The following LRRTM4 variants were observed in gnomAD, a reference collection of about 807,000 sequenced individuals.
The protein encoded by LRRTM4 is leucine-rich repeat transmembrane neuronal protein 4.
Under a neutral mutation model 47.6 loss-of-function variants are expected in LRRTM4, and 25 were observed. The ratio of observed to expected loss-of-function variants is 0.53; its 90% CI spans 0.38 to 0.73. The LOEUF is 0.73. Ranked by LOEUF, LRRTM4 falls within the 30% of genes least tolerant of loss-of-function variation. The pLI, the probability that LRRTM4 is intolerant of heterozygous loss-of-function variation, is 0.00. For missense variants in LRRTM4, 638 were observed against 713.4 expected (o/e 0.89, Z 1.20); for synonymous variants, 311 against 269.5 (o/e 1.15, Z -1.51).
intron 3 of LRRTM4, among the ~76,000 whole-genome samples, chr2:76,971,483 T>G (rs1379245990): frequency 1.3e-5 from 2 of 152,018 alleles, no homozygotes; most frequent in Non-Finnish European, 2.9e-5. Flanking sequence ...TCAGGGAACC[T>G]GGGAGAGATC....
chr2:76,799,099 T>G (rs1248482694), intron 3 of LRRTM4, among the ~76,000 whole-genome samples: 5 of 147,192 alleles, frequency 3.4e-5, no homozygotes, highest in Non-Finnish European at 7.4e-5. Context: ...TAACTCATTT[T>G]ATGAGGCCAG....
chr2:76,757,605 G>A (rs933041442), intron 3 of LRRTM4, among the ~76,000 whole-genome samples: 8 of 152,066 alleles, frequency 5.3e-5, no homozygotes, highest in Non-Finnish European at 1.2e-4. Flanking sequence ...AAATTAGAAC[G>A]AGTAAAGTCT....
At chr2:77,174,013 G>A (rs551254469) in intron 3 of LRRTM4, among the ~76,000 whole-genome samples, 1 of 152,068 alleles carries the variant, frequency 6.6e-6, no homozygotes, top group Admixed American at 6.6e-5. Flanking sequence ...TTTAGCCTTG[G>A]AGTATCTTTT....
At chr2:76,873,169 G>A (rs2104063453) in intron 3 of LRRTM4, among the ~76,000 whole-genome samples, 1 of 152,130 alleles carries the variant, frequency 6.6e-6, no homozygotes, top group East Asian at 1.9e-4. Context: ...ATCTGTCTTT[G>A]TAGACAGTGC....
intron 3 of LRRTM4, among the ~76,000 whole-genome samples, chr2:77,223,653 G>T (rs898217751): frequency 6.6e-6 from 1 of 152,012 alleles, no homozygotes. Context: ...AACTTACAAG[G>T]GATGTGAAGA....
chr2:77,223,968 G>A (rs1265878487), intron 3 of LRRTM4, among the ~76,000 whole-genome samples: 4 of 152,004 alleles, frequency 2.6e-5, no homozygotes, highest in African/African-American at 4.8e-5. Context: ...TATGCTACAA[G>A]GCTACAGTAA....
chr2:77,336,402 C>CA (rs1671171164), intron 3 of LRRTM4, among the ~76,000 whole-genome samples: 1 of 152,004 alleles, frequency 6.6e-6, no homozygotes, highest in South Asian at 2.1e-4. Flanking sequence ...AATTTTTTAC[C>CA]AAAATTATAG....
intron 3 of LRRTM4, among the ~76,000 whole-genome samples, chr2:77,225,689 A>G (rs144536608): frequency 0.017 from 2,660 of 152,188 alleles, 35 homozygotes; most frequent in Middle Eastern, 0.054. Context: ...GCCTACACCT[A>G]TATATTCTGT....
intron 3 of LRRTM4, among the ~76,000 whole-genome samples, chr2:77,201,139 A>G (rs1203014558): frequency 6.6e-6 from 1 of 152,186 alleles, no homozygotes; most frequent in Non-Finnish European, 1.5e-5. Context: ...AAATATTCAA[A>G]GTATGAACAA....
At position 76,881,256 on chromosome 2, in the gene LRRTM4, G is replaced by A. The variant is rs1169926901; in HGVS notation, c.1552-132340C>T. Among the ~76,000 whole-genome samples, 4 of 152,092 alleles carry A rather than the reference G, an allele frequency of 2.6e-5. No homozygotes were observed. The East Asian group carries it at 7.7e-4, about 29-fold the overall frequency. On this transcript the variant is annotated intron_variant, in intron 3 of 3. Coordinates refer to ENST00000409884, the MANE Select transcript of LRRTM4 (RefSeq NM_001134745.3). ...CAGCTCAAACACAGAATTCTGTACA[G>A]CCTAATTAGCAATCAAGTTTGAGGG...
rs1469367325 is a variant in LRRTM4 at position 77,457,032 on chromosome 2, ATATATATATATATATATATG to A, written c.1551+61266_1551+61285del. The stretch of plus-strand genomic sequence containing the variant: ...TATATATATATATATATATATATAT[ATATATATATATATATATATG>A]TATAACCTGGAACTCTTTGACAAGC... On this transcript the variant is annotated intron_variant, in intron 3 of 3. Transcript: ENST00000409884. Among the ~76,000 whole-genome samples, 17 of 24,402 alleles carry A rather than the reference ATATATATATATATATATATG, an allele frequency of 7.0e-4. 1 individual carries two copies. Among genetic ancestry groups the A allele is most frequent in the East Asian group, 2.4e-3 (4 of 1,650 alleles). The allele number at this position is 24,402 out of a possible 152,430, so 16.0% of individuals were successfully genotyped here. A position where few individuals can be genotyped will look rare whatever the true frequency, so the allele number is the denominator to read the frequency against.
chr2:76,841,334 G>C (rs1671675644), intron 3 of LRRTM4, among the ~76,000 whole-genome samples: 1 of 151,704 alleles, frequency 6.6e-6, no homozygotes, highest in East Asian at 1.9e-4. Context: ...TAAATGACGA[G>C]TTAATGGGTG....
chr2:77,048,263 T>C (rs1679299715), intron 3 of LRRTM4, among the ~76,000 whole-genome samples: 1 of 152,044 alleles, frequency 6.6e-6, no homozygotes. Context: ...ACATTCAGAA[T>C]GGTCAGCTGA....
intron 3 of LRRTM4, among the ~76,000 whole-genome samples, chr2:76,942,935 C>T (rs571598593): frequency 1.1e-4 from 16 of 152,164 alleles, no homozygotes; most frequent in African/African-American, 2.4e-5. Flanking sequence ...ATAAGTAATT[C>T]AAGATTATTT....
At chr2:76,804,780 T>A (rs1330052449) in intron 3 of LRRTM4, among the ~76,000 whole-genome samples, 2 of 149,806 alleles carry the variant, frequency 1.3e-5, no homozygotes, top group South Asian at 2.1e-4. Flanking sequence ...ATATCATGTT[T>A]TATATATATA....
intron 3 of LRRTM4, among the ~76,000 whole-genome samples, chr2:77,145,127 A>G (rs890686024): frequency 1.2e-4 from 18 of 152,192 alleles, no homozygotes; most frequent in Non-Finnish European, 2.1e-4. Flanking sequence ...GACATAGAGT[A>G]GCAAGCTAAA....
intron 3 of LRRTM4, among the ~76,000 whole-genome samples, chr2:76,958,018 G>A (rs1427375807): frequency 4.0e-5 from 6 of 151,584 alleles, no homozygotes; most frequent in Admixed American, 6.6e-5. Context: ...ATTATCAGCT[G>A]TAGGCCTTAA....
intron 3 of LRRTM4, among the ~76,000 whole-genome samples, chr2:77,480,980 C>A (rs1482275910): frequency 6.6e-6 from 1 of 152,010 alleles, no homozygotes; most frequent in Non-Finnish European, 1.5e-5. Context: ...TGTAACAAAG[C>A]CTTCAACTGA....
At chr2:76,766,532 G>T (rs1269131233) in intron 3 of LRRTM4, among the ~76,000 whole-genome samples, 1 of 152,172 alleles carries the variant, frequency 6.6e-6, no homozygotes, top group African/African-American at 2.4e-5. Context: ...TCTCTGCCCT[G>T]CATTGTGCCC....
Sources: allele counts gnomAD v4.1 joint callset (sites outside exome capture counted in the v4.1 genomes callset), GRCh38; gene constraint gnomAD v4.1.1; transcripts MANE v1.5; gene names NCBI Gene and HGNC (gene_info 2026-07-23, HGNC 2026-07-21).